UBE2K: variants seen among roughly 807,000 people sequenced by gnomAD.
UBE2K encodes the protein ubiquitin-conjugating enzyme E2 K.
Under a neutral mutation model 30.0 loss-of-function variants are expected in UBE2K, and 6 were observed. The ratio of observed to expected loss-of-function variants is 0.20; its 90% CI spans 0.11 to 0.39. The LOEUF is 0.39. Ranked by LOEUF, UBE2K falls within the 10% of genes least tolerant of loss-of-function variation. The pLI is 1.00. For synonymous variants in UBE2K, 86 were observed against 83.7 expected, an observed-to-expected ratio of 1.03 and a Z score of -0.15; for missense variants, 61 against 241.6, an observed-to-expected ratio of 0.25 and a Z score of 4.96.
intron 5 of UBE2K, among the ~76,000 whole-genome samples, chr4:39,776,136 G>A (rs1196182368): frequency 6.6e-6 from 1 of 152,204 alleles, no homozygotes; most frequent in African/African-American, 2.4e-5. Context: ...TTATGATACT[G>A]CATTCAGTTT....
chr4:39,723,858 G>A (rs1345129574), intron 1 of UBE2K, among the ~76,000 whole-genome samples: 1 of 151,988 alleles, frequency 6.6e-6, no homozygotes. Context: ...TGTTGCGCAG[G>A]GTGGAGTGCA....
intron 1 of UBE2K, among the ~76,000 whole-genome samples, chr4:39,724,632 G>GT (rs1352683362): frequency 4.7e-5 from 7 of 149,556 alleles, no homozygotes; most frequent in African/African-American, 1.7e-4. Flanking sequence ...GCTAGGCATG[G>GT]TAAGTGCATG....
chr4:39,748,236 T>G (rs892749549), intron 3 of UBE2K, among the ~76,000 whole-genome samples: 4 of 152,188 alleles, frequency 2.6e-5, no homozygotes, highest in Non-Finnish European at 5.9e-5. Context: ...ATCCCCACTT[T>G]TTTTTAGAGA....
chr4:39,737,000 C>T (rs769764841), intron 1 of UBE2K, among the ~76,000 whole-genome samples: 1 of 151,988 alleles, frequency 6.6e-6, no homozygotes, highest in African/African-American at 2.4e-5. Context: ...TTTTAATGAC[C>T]CTGAATTTTC....
intron 3 of UBE2K, among the ~76,000 whole-genome samples, chr4:39,755,017 A>G (rs1394173079): frequency 6.6e-6 from 1 of 152,198 alleles, no homozygotes; most frequent in Non-Finnish European, 1.5e-5. Context: ...CCATAATGAG[A>G]CAAATAATGA....
intron 1 of UBE2K, among the ~76,000 whole-genome samples, chr4:39,722,203 G>T (rs941129385): frequency 4.6e-5 from 7 of 152,204 alleles, no homozygotes; most frequent in Admixed American, 4.6e-4. Flanking sequence ...ATTTATGATT[G>T]TTAACCCCTT....
chr4:39,736,016 T>G lies in UBE2K; in HGVS notation c.64-1404T>G, dbSNP rs1009692616. Among the ~76,000 whole-genome samples the G allele has an allele frequency of 6.0e-5, 9 of 150,934 alleles. No homozygotes were observed. In the South Asian group the frequency reaches 6.3e-4, roughly 11 times the overall value. On this transcript the variant is annotated intron_variant, in intron 1 of 6. Coordinates refer to ENST00000261427, the MANE Select transcript of UBE2K (RefSeq NM_005339.5). ...TAGAAAAAGAGTAAAAATTGTGGTT[T>G]TTTTTTTTGGGTTGGAGGAGGAAGC...
At chr4:39,715,275 G>C (rs1274629881) in intron 1 of UBE2K, among the ~76,000 whole-genome samples, 1 of 151,100 alleles carries the variant, frequency 6.6e-6, no homozygotes, top group Non-Finnish European at 1.5e-5. Context: ...TGATCCACCT[G>C]CCTCGGCCTC....
At chr4:39,771,208 C>T in intron 4 of UBE2K, 1 of 1,612,778 alleles carries the variant, frequency 6.2e-7, no homozygotes, top group South Asian at 1.1e-5. Context: ...GATGCGTGCA[C>T]TGTGCATCAG....
intron 1 of UBE2K, among the ~76,000 whole-genome samples, chr4:39,701,301 G>A (rs1180573689): frequency 3.9e-5 from 6 of 152,100 alleles, no homozygotes; most frequent in African/African-American, 1.4e-4. Context: ...GATTACATAA[G>A]TAAATTATTA....
chr4:39,773,657 C>T (rs1450636450), intron 4 of UBE2K, among the ~76,000 whole-genome samples: 2 of 151,954 alleles, frequency 1.3e-5, no homozygotes, highest in Admixed American at 6.6e-5. Flanking sequence ...CGCGGTGGCT[C>T]ACGCCTGTAA....
In UBE2K at chr4:39,775,908, T is replaced by C. The variant is rs1420704766; in HGVS notation, c.399+975T>C. 2.0e-5 allele frequency among the ~76,000 whole-genome samples: 3 copies of C among 152,186 alleles called. No homozygotes were observed. The East Asian group carries it at 5.8e-4, about 29-fold the overall frequency. ...TTCTTTGTTAGTTCCCACAATTATT[T>C]CCCTTCTTACTCGTCTTTCTTAAAT... On this transcript the variant is annotated intron_variant, in intron 5 of 6. Coordinates refer to ENST00000261427, the MANE Select transcript of UBE2K (RefSeq NM_005339.5).
At chr4:39,777,479 T>C (rs551105746) in intron 5 of UBE2K, among the ~76,000 whole-genome samples, 28 of 152,342 alleles carry the variant, frequency 1.8e-4, no homozygotes, top group African/African-American at 3.8e-4. Flanking sequence ...GTCTTTATTA[T>C]TGTCAACACA....
chr4:39,702,536 G>A (rs908494325), intron 1 of UBE2K, among the ~76,000 whole-genome samples: 1 of 152,060 alleles, frequency 6.6e-6, no homozygotes, highest in African/African-American at 2.4e-5. Context: ...TTACAGGAGT[G>A]AGCTACTGCA....
intron 3 of UBE2K, among the ~76,000 whole-genome samples, chr4:39,752,969 A>G (rs569239017): frequency 1.3e-5 from 2 of 152,256 alleles, no homozygotes; most frequent in East Asian, 1.9e-4. Context: ...GCAGTGAGCC[A>G]TGATCGCACC....
intron 4 of UBE2K, among the ~76,000 whole-genome samples, chr4:39,773,977 C>T (rs73240690): frequency 0.1 from 15,675 of 151,974 alleles, 1,085 homozygotes; most frequent in East Asian, 0.22. Context: ...AAAACAAGGA[C>T]AGTTCAGAAT....
chr4:39,762,023 T>A (rs968500363), intron 4 of UBE2K, among the ~76,000 whole-genome samples: 1 of 151,348 alleles, frequency 6.6e-6, no homozygotes, highest in African/African-American at 2.4e-5. Flanking sequence ...AAAATAAAAA[T>A]AAAAAATTAG....
At chr4:39,706,474 T>C (rs985584989) in intron 1 of UBE2K, among the ~76,000 whole-genome samples, 9 of 150,498 alleles carry the variant, frequency 6.0e-5, no homozygotes, top group Non-Finnish European at 1.3e-4. Flanking sequence ...GCCTGGACTT[T>C]TTTTTTTTTT....
intron 4 of UBE2K, among the ~76,000 whole-genome samples, chr4:39,772,746 G>A (rs1332499535): frequency 2.0e-5 from 3 of 149,492 alleles, no homozygotes; most frequent in Non-Finnish European, 4.4e-5. Flanking sequence ...AGAGTGCAAT[G>A]GCATGATTTT....
Sources: gnomAD v4.1 joint callset for allele counts (sites outside exome capture counted in the v4.1 genomes callset) on GRCh38, gnomAD v4.1.1 for gene constraint, MANE v1.5 for transcripts, NCBI Gene and HGNC (gene_info 2026-07-23, HGNC 2026-07-21) for gene names.